Variants in PXDNL observed in about 807,000 individuals in gnomAD.
PXDNL encodes the protein peroxidasin like.
PXDNL carries 145 observed loss-of-function variants against 150.8 expected under a neutral mutation model. The observed-to-expected ratio is 0.96, with a 90% CI of 0.84 to 1.10. PXDNL has a LOEUF of 1.10. Ranked by LOEUF, PXDNL falls within the 50% of genes least tolerant of loss-of-function variation. PXDNL has a pLI of 0.00. For missense variants in PXDNL, 2,087 were observed against 1,873.9 expected, an observed-to-expected ratio of 1.11 and a Z score of -2.10; for synonymous variants, 757 against 725.7, an observed-to-expected ratio of 1.04 and a Z score of -0.69.
At chr8:51,614,890 A>T (rs1227077299) in intron 2 of PXDNL, among the ~76,000 whole-genome samples, 1 of 152,234 alleles carries the variant, frequency 6.6e-6, no homozygotes, top group Non-Finnish European at 1.5e-5. Flanking sequence ...TAAAAAGTAC[A>T]AGATGATAGA....
At position 51,372,083 on chromosome 8, in the gene PXDNL, T is replaced by C; in HGVS notation, c.3693-2A>G. On this transcript the variant is annotated splice_acceptor_variant, in intron 18 of 22. Coordinates refer to ENST00000356297, the MANE Select transcript of PXDNL (RefSeq NM_144651.5). LOFTEE classifies it high-confidence loss of function. ...ACTCCAGGGTTTTCATACCAGAACC[T>C]GGTAGTCAACCAAAAAAAAAACATT... is the stretch of plus-strand genomic sequence containing the variant. The C allele has an allele frequency of 1.9e-6, 3 of 1,538,586 alleles. No homozygotes were observed. Among genetic ancestry groups the C allele is most frequent in the Non-Finnish European group, 8.8e-7 (1 of 1,138,968 alleles).
chr8:51,746,603 T>C (rs1216524538), intron 1 of PXDNL, among the ~76,000 whole-genome samples: 1 of 152,194 alleles, frequency 6.6e-6, no homozygotes, highest in African/African-American at 2.4e-5. Context: ...TTGTTACACA[T>C]GTAGCGTTTA....
intron 8 of PXDNL, among the ~76,000 whole-genome samples, chr8:51,464,170 C>T (rs1810151050): frequency 6.6e-6 from 1 of 152,094 alleles, no homozygotes; most frequent in African/African-American, 2.4e-5. Flanking sequence ...TTGAGACCAG[C>T]CTAGGCAATG....
At chr8:51,329,128 T>TA (rs769713830) in intron 21 of PXDNL, among the ~76,000 whole-genome samples, 1 of 151,990 alleles carries the variant, frequency 6.6e-6, no homozygotes, top group Non-Finnish European at 1.5e-5. Flanking sequence ...CTTGTGAAAA[T>TA]CATAGCCTCA....
chr8:51,650,366 C>A (rs1815008012), intron 2 of PXDNL, among the ~76,000 whole-genome samples: 1 of 152,108 alleles, frequency 6.6e-6, no homozygotes, highest in Non-Finnish European at 1.5e-5. Context: ...ACCCTATAGC[C>A]ACCCAAAACG....
chr8:51,438,004 T>C (rs1670775319), intron 12 of PXDNL, among the ~76,000 whole-genome samples: 1 of 152,238 alleles, frequency 6.6e-6, no homozygotes, highest in Non-Finnish European at 1.5e-5. Flanking sequence ...AGCACTGGTA[T>C]ATACAGGAGC....
chr8:51,475,696 G>A (rs1309760243), intron 6 of PXDNL, among the ~76,000 whole-genome samples: 1 of 152,100 alleles, frequency 6.6e-6, no homozygotes, highest in Non-Finnish European at 1.5e-5. Flanking sequence ...ATTGCATAAT[G>A]CTGAGGTTTG....
At chr8:51,499,529 G>T (rs1811137579) in intron 5 of PXDNL, among the ~76,000 whole-genome samples, 170 bp downstream of exon 5, 1 of 152,042 alleles carries the variant, frequency 6.6e-6, no homozygotes, top group African/African-American at 2.4e-5. Flanking sequence ...TTTCTCCATT[G>T]ATCTTAAAGT....
Position 51,409,325 on chromosome 8 carries a change from G to C in PXDNL, c.2299C>G (p.Leu767Val). ...YRDGIRAPRG[L>V]GLPVGSRQPL... ...TGGCGGGAGCCCACAGGAAGGCCGAGCCCGCGGGGCGCGCGGATGCCGTCC... is the reference window on the plus strand; with the variant it reads ...TGGCGGGAGCCCACAGGAAGGCCGACCCCGCGGGGCGCGCGGATGCCGTCC... The change falls in exon 17 of 23, where the codon CTC becomes GTC. Residue 767 changes from leucine (L) to valine (V), a missense_variant. Physicochemically the swap from Leu to Val is conservative, Grantham distance 32. Transcript: ENST00000356297. 7 of 1,436,042 alleles carry C rather than the reference G, an allele frequency of 4.9e-6. No homozygotes were observed. Among genetic ancestry groups the C allele is most frequent in the Non-Finnish European group, 6.4e-6 (7 of 1,101,202 alleles). 89.0% of individuals were successfully genotyped at this position (1,436,042 alleles called of 1,614,324 possible). A position where few individuals can be genotyped will look rare whatever the true frequency, so the allele number is the denominator to read the frequency against.
At chr8:51,374,145 G>A (rs1807222576) in intron 18 of PXDNL, among the ~76,000 whole-genome samples, 1 of 152,214 alleles carries the variant, frequency 6.6e-6, no homozygotes, top group Admixed American at 6.5e-5. Context: ...CCATGAGAAT[G>A]AAGGGAGGGA....
chr8:51,752,667 G>GA (rs11454534), intron 1 of PXDNL, among the ~76,000 whole-genome samples: 123,099 of 152,060 alleles, frequency 0.81, 49,926 homozygotes, highest in East Asian at 0.88. Flanking sequence ...AAGGTGTACT[G>GA]TCCTCATTGT....
At chr8:51,662,850 CAT>C (rs1005251850) in intron 1 of PXDNL, among the ~76,000 whole-genome samples, 16 of 152,214 alleles carry the variant, frequency 1.1e-4, no homozygotes, top group African/African-American at 3.6e-4. Context: ...AGGGAGCACA[CAT>C]ATGTATAAAC....
At chr8:51,429,060 C>T (rs1809185758) in intron 12 of PXDNL, among the ~76,000 whole-genome samples, 1 of 152,188 alleles carries the variant, frequency 6.6e-6, no homozygotes, top group Non-Finnish European at 1.5e-5. Flanking sequence ...ATACAGATGG[C>T]AAGTCAGCAT....
chr8:51,574,674 C>T (rs1348883538), intron 3 of PXDNL, among the ~76,000 whole-genome samples: 1 of 151,902 alleles, frequency 6.6e-6, no homozygotes. Flanking sequence ...AAAGCAGTGA[C>T]AGAGGAAAGA....
At chr8:51,600,823 GGTTTAGATA>G (rs1813701193) in intron 2 of PXDNL, among the ~76,000 whole-genome samples, 4 of 120,130 alleles carry the variant, frequency 3.3e-5, no homozygotes, top group African/African-American at 1.3e-4. Context: ...TAAATTATAT[GGTTTAGATA>G]ATAAATTACA....
chr8:51,333,853 A>G (rs1219943922), intron 21 of PXDNL, among the ~76,000 whole-genome samples: 5 of 152,194 alleles, frequency 3.3e-5, no homozygotes, highest in Non-Finnish European at 7.3e-5. Context: ...TGAGATAGAC[A>G]GCAACACATT....
intron 1 of PXDNL, among the ~76,000 whole-genome samples, chr8:51,712,929 A>G (rs1027636525): frequency 6.6e-6 from 1 of 152,196 alleles, no homozygotes; most frequent in Non-Finnish European, 1.5e-5. Context: ...ACTTCTCATT[A>G]TGCAACAATA....
At chr8:51,343,308 G>A (rs913754012) in intron 20 of PXDNL, among the ~76,000 whole-genome samples, 2 of 152,070 alleles carry the variant, frequency 1.3e-5, no homozygotes, top group African/African-American at 4.8e-5. Flanking sequence ...GACCTCCTCT[G>A]GTCTAAACAA....
chr8:51,468,307 T>A (rs905365742), intron 8 of PXDNL, among the ~76,000 whole-genome samples: 3 of 151,950 alleles, frequency 2.0e-5, no homozygotes, highest in Admixed American at 1.3e-4. Context: ...CTTCATCAGC[T>A]ATTTTGTTAG....
Sources: gnomAD v4.1 joint callset for allele counts (sites outside exome capture counted in the v4.1 genomes callset) on GRCh38, gnomAD v4.1.1 for gene constraint, MANE v1.5 for transcripts, NCBI Gene and HGNC (gene_info 2026-07-23, HGNC 2026-07-21) for gene names.